Variants in GMDS observed in about 807,000 individuals in gnomAD.
The protein encoded by GMDS is GDP-mannose 4,6 dehydratase.
Under a neutral mutation model 49.9 loss-of-function variants are expected in GMDS, and 20 were observed. The observed-to-expected ratio is 0.40, with a 90% CI of 0.28 to 0.58. The LOEUF (loss-of-function observed/expected upper bound fraction) is 0.58. Among genes scored for constraint, GMDS ranks in the 20% least tolerant of loss-of-function variants. The pLI is 0.42. For synonymous variants in GMDS, 177 were observed against 178.6 expected (o/e 0.99, Z 0.07); for missense variants, 362 against 481.4 (o/e 0.75, Z 2.32).
At chr6:2,108,013 G>C (rs1349633695) in intron 4 of GMDS, among the ~76,000 whole-genome samples, 2 of 152,040 alleles carry the variant, frequency 1.3e-5, no homozygotes, top group Non-Finnish European at 2.9e-5. Context: ...AAAACAATGA[G>C]TTTTAAAACT....
At chr6:1,780,412 T>G (rs1169628661) in intron 7 of GMDS, among the ~76,000 whole-genome samples, 1 of 152,218 alleles carries the variant, frequency 6.6e-6, no homozygotes, top group East Asian at 1.9e-4. Context: ...ACTGTTATTA[T>G]GGGTTACTCA....
rs962606518 is a variant in GMDS at position 1,744,796 on chromosome 6, A to G, written c.772-2210T>C. Among the ~76,000 whole-genome samples, 4 of 152,260 alleles carry G rather than the reference A, an allele frequency of 2.6e-5. No individual in the cohort carries two copies. In the East Asian group the frequency reaches 5.8e-4, roughly 22 times the overall value. On this transcript the variant is annotated intron_variant, in intron 7 of 10. Coordinates refer to ENST00000380815, the MANE Select transcript of GMDS (RefSeq NM_001500.4). Reference sequence around the variant, plus strand: ...ACCCTGTCTCCTCATCTGTCTGGGAATGCTGACCTCTCTCTAGGTCCCGGA... The same window carrying G: ...ACCCTGTCTCCTCATCTGTCTGGGAGTGCTGACCTCTCTCTAGGTCCCGGA...
intron 1 of GMDS, among the ~76,000 whole-genome samples, chr6:2,198,693 C>G (rs746816919): frequency 3.3e-5 from 5 of 152,096 alleles, no homozygotes; most frequent in Non-Finnish European, 5.9e-5. Context: ...CTGTGCGAAA[C>G]TGGAAAATAT....
rs144576951 is a variant in GMDS at position 1,641,575 on chromosome 6, G to A, written c.988-17035C>T. On this transcript the variant is annotated intron_variant, in intron 9 of 10. Coordinates refer to ENST00000380815, the MANE Select transcript of GMDS (RefSeq NM_001500.4). ...TCAGTGCTTAGCACTGGGGAAGGGC[G>A]GAGCATGGAGCAGGCACAGAAGGTC... is the stretch of plus-strand genomic sequence containing the variant. Among the ~76,000 whole-genome samples the A allele has an allele frequency of 5.7e-3, 871 of 152,324 alleles. 29 individuals are homozygous for A. The highest frequency in any genetic ancestry group is 0.045 in the Admixed American group (695 of 15,310).
At chr6:1,955,337 A>T (rs569131722) in intron 6 of GMDS, among the ~76,000 whole-genome samples, 2 of 152,168 alleles carry the variant, frequency 1.3e-5, no homozygotes, top group Non-Finnish European at 2.9e-5. Flanking sequence ...CTACTTTTTT[A>T]TTTTAAAAAA....
intron 7 of GMDS, among the ~76,000 whole-genome samples, chr6:1,754,500 A>C (rs143931530): frequency 0.014 from 2,100 of 152,336 alleles, 45 homozygotes; most frequent in African/African-American, 0.047. Flanking sequence ...AGCAAGAGAA[A>C]AAGAAGGAAT....
At chr6:2,126,380 G>A (rs1775438570) in intron 1 of GMDS, among the ~76,000 whole-genome samples, 1 of 152,076 alleles carries the variant, frequency 6.6e-6, no homozygotes, top group South Asian at 2.1e-4. Context: ...AATTTGAACA[G>A]GCTTTAAATA....
chr6:2,104,396 T>C (rs1274961310), intron 4 of GMDS, among the ~76,000 whole-genome samples: 4 of 152,234 alleles, frequency 2.6e-5, no homozygotes, highest in African/African-American at 7.2e-5. Flanking sequence ...CAGGCAGCTA[T>C]GCTGATGGAG....
chr6:2,068,991 G>A (rs964574751), intron 4 of GMDS, among the ~76,000 whole-genome samples: 2 of 152,152 alleles, frequency 1.3e-5, no homozygotes, highest in Admixed American at 6.5e-5. Context: ...AAAGCTGGAG[G>A]CATCACACTA....
chr6:2,024,270 C>A (rs1031677458), intron 4 of GMDS, among the ~76,000 whole-genome samples: 1 of 151,968 alleles, frequency 6.6e-6, no homozygotes, highest in African/African-American at 2.4e-5. Flanking sequence ...GTTTATAACT[C>A]ACACGCCTTC....
intron 9 of GMDS, among the ~76,000 whole-genome samples, chr6:1,686,652 T>G (rs1308613821): frequency 1.3e-5 from 2 of 152,240 alleles, no homozygotes; most frequent in African/African-American, 4.8e-5. Flanking sequence ...CATAATGGAA[T>G]GTACTTATAT....
intron 4 of GMDS, among the ~76,000 whole-genome samples, chr6:2,005,136 T>A (rs1369659500): frequency 5.3e-4 from 81 of 152,190 alleles, no homozygotes; most frequent in Non-Finnish European, 2.9e-5. Context: ...GTTTGCTTAG[T>A]GGAACTTTTT....
At chr6:2,187,031 C>T (rs1778809081) in intron 1 of GMDS, among the ~76,000 whole-genome samples, 1 of 152,186 alleles carries the variant, frequency 6.6e-6, no homozygotes, top group Non-Finnish European at 1.5e-5. Flanking sequence ...GCTCTTTAGT[C>T]AATCGTATTT....
At chr6:1,773,090 A>C (rs1378031420) in intron 7 of GMDS, among the ~76,000 whole-genome samples, 1 of 151,640 alleles carries the variant, frequency 6.6e-6, no homozygotes, top group Non-Finnish European at 1.5e-5. Flanking sequence ...AGACTAACTC[A>C]CTGGATGATG....
At chr6:1,715,674 GAAGT>G (rs1265003532) in intron 9 of GMDS, among the ~76,000 whole-genome samples, 1 of 152,238 alleles carries the variant, frequency 6.6e-6, no homozygotes, top group Non-Finnish European at 1.5e-5. Context: ...AGGAAAAACA[GAAGT>G]AAGGAGAGGT....
intron 4 of GMDS, among the ~76,000 whole-genome samples, chr6:2,032,381 A>C (rs1360610044): frequency 6.6e-6 from 1 of 152,198 alleles, no homozygotes; most frequent in Non-Finnish European, 1.5e-5. Flanking sequence ...CCAAATCTGC[A>C]AGCCTTCTCA....
chr6:1,835,707 AACTGC>A (rs1459709492), intron 7 of GMDS, among the ~76,000 whole-genome samples: 1 of 152,286 alleles, frequency 6.6e-6, no homozygotes, highest in African/African-American at 2.4e-5. Flanking sequence ...CCATGAATAA[AACTGC>A]ACATAATAAG....
At chr6:1,775,161 G>A (rs563776130) in intron 7 of GMDS, among the ~76,000 whole-genome samples, 8 of 152,268 alleles carry the variant, frequency 5.3e-5, no homozygotes, top group South Asian at 4.1e-4. Flanking sequence ...GCTAGCAAGC[G>A]CATGCATGGC....
At chr6:1,832,540 C>T (rs985181351) in intron 7 of GMDS, among the ~76,000 whole-genome samples, 1 of 152,100 alleles carries the variant, frequency 6.6e-6, no homozygotes, top group African/African-American at 2.4e-5. Context: ...GCATGATCAC[C>T]TACTTTTGTG....
Sources: allele counts gnomAD v4.1 joint callset (sites outside exome capture counted in the v4.1 genomes callset), GRCh38; gene constraint gnomAD v4.1.1; transcripts MANE v1.5; gene names NCBI Gene and HGNC (gene_info 2026-07-23, HGNC 2026-07-21).